The following SBF2 variants were observed in gnomAD, a reference collection of about 807,000 sequenced individuals.
The protein encoded by SBF2 is myotubularin-related protein 13.
Under a neutral mutation model 225.2 loss-of-function variants are expected in SBF2, and 112 were observed. That is an observed-to-expected ratio of 0.50 (90% CI 0.43 to 0.58). The LOEUF is 0.58. SBF2 is among the 20% of genes least tolerant of loss of function. The pLI, the probability that SBF2 is intolerant of heterozygous loss-of-function variation, is 0.00. For synonymous variants in SBF2, 763 were observed against 773.3 expected, an observed-to-expected ratio of 0.99 and a Z score of 0.22; for missense variants, 1,996 against 2,206.2, an observed-to-expected ratio of 0.90 and a Z score of 1.91.
intron 2 of SBF2, among the ~76,000 whole-genome samples, chr11:10,181,663 G>A (rs544224443): frequency 2.6e-5 from 4 of 151,936 alleles, no homozygotes; most frequent in Admixed American, 2.0e-4. Flanking sequence ...CTCCTTCCTG[G>A]ACACATCTCA....
At chr11:9,896,723 AG>A (rs1732497754) in intron 16 of SBF2, among the ~76,000 whole-genome samples, 1 of 144,100 alleles carries the variant, frequency 6.9e-6, no homozygotes, top group African/African-American at 2.6e-5. Context: ...CGGGAGGTGG[AG>A]GTTGCAGTGA....
chr11:9,807,738 T>G, intron 32 of SBF2: 1 of 516,862 alleles, frequency 1.9e-6, no homozygotes, highest in South Asian at 2.1e-5. Context: ...TTCTCTTCTT[T>G]GAAGATGGTC....
chr11:9,901,644 G>GT lies in SBF2; in HGVS notation c.1861-5634dup, dbSNP rs199735739. On this transcript the variant is annotated intron_variant, in intron 16 of 39. Transcript: ENST00000256190. ...TAAACCATAAAATCTCATTAAATGGGTTTTTTTTAAATTTTTATATTTTGA... is the reference window on the plus strand; with the variant it reads ...TAAACCATAAAATCTCATTAAATGGGTTTTTTTTTAAATTTTTATATTTTGA... 1.7e-3 allele frequency among the ~76,000 whole-genome samples: 252 copies of GT among 152,048 alleles called. No homozygotes were observed. The East Asian group carries it at 0.023, about 14-fold the overall frequency.
At chr11:9,903,493 C>G (rs1861889121) in intron 16 of SBF2, among the ~76,000 whole-genome samples, 1 of 152,112 alleles carries the variant, frequency 6.6e-6, no homozygotes, top group African/African-American at 2.4e-5. Context: ...GCAGCAAGCT[C>G]AATTCTTGCC....
chr11:10,110,177 A>G (rs1292625566), intron 2 of SBF2, among the ~76,000 whole-genome samples: 1 of 152,248 alleles, frequency 6.6e-6, no homozygotes, highest in East Asian at 1.9e-4. Context: ...AGATAAAAAT[A>G]GCAAAAAAGG....
chr11:9,790,016 G>A (rs1368173497), intron 34 of SBF2, among the ~76,000 whole-genome samples: 1 of 152,220 alleles, frequency 6.6e-6, no homozygotes, highest in Non-Finnish European at 1.5e-5. Context: ...CCCAGGGGAG[G>A]GGCCTCTCTT....
chr11:10,193,741 A>ATAT (rs1214101764), intron 2 of SBF2, among the ~76,000 whole-genome samples, 161 bp downstream of exon 2: 1 of 152,218 alleles, frequency 6.6e-6, no homozygotes, highest in Non-Finnish European at 1.5e-5. Context: ...AGATGACCGT[A>ATAT]CTTGAGGGAC....
chr11:9,803,031 A>C (rs1368981216), intron 32 of SBF2, among the ~76,000 whole-genome samples: 3 of 152,192 alleles, frequency 2.0e-5, no homozygotes, highest in African/African-American at 4.8e-5. Context: ...TAATTTAAAA[A>C]ATTTTAATTT....
intron 13 of SBF2, among the ~76,000 whole-genome samples, chr11:9,969,242 A>G (rs1412593720): frequency 6.6e-6 from 1 of 152,282 alleles, no homozygotes; most frequent in East Asian, 1.9e-4. Flanking sequence ...AATGTTTACA[A>G]CTTGGCCAGT....
chr11:9,943,978 A>C (rs1865427630), intron 16 of SBF2, among the ~76,000 whole-genome samples: 1 of 152,204 alleles, frequency 6.6e-6, no homozygotes, highest in Admixed American at 6.5e-5. Flanking sequence ...TTTCATTGCC[A>C]GGGCAATGAA....
At chr11:10,137,993 C>T (rs895315331) in intron 2 of SBF2, among the ~76,000 whole-genome samples, 7 of 145,904 alleles carry the variant, frequency 4.8e-5, no homozygotes, top group African/African-American at 1.8e-4. Context: ...GAGTAAGACT[C>T]CATCTCCAAA....
chr11:10,294,503 G>C (rs984611969), upstream of SBF2, among the ~76,000 whole-genome samples: 5 of 152,218 alleles, frequency 3.3e-5, no homozygotes, highest in African/African-American at 1.2e-4. Flanking sequence ...GTTTGGATTT[G>C]GAAGAAGGGA....
chr11:9,804,565 G>A lies in SBF2; in HGVS notation c.4443+3435C>T, dbSNP rs115837632. Among the ~76,000 whole-genome samples the A allele has an allele frequency of 1.7e-3, 265 of 152,242 alleles. 1 individual carries two copies. Among genetic ancestry groups the A allele is most frequent in the African/African-American group, 5.8e-3 (242 of 41,534 alleles). On this transcript the variant is annotated intron_variant, in intron 32 of 39. Coordinates refer to ENST00000256190, the MANE Select transcript of SBF2 (RefSeq NM_030962.4). ...TCATGATACAGAACAGTTTCCTGAC[G>A]CTGAAAAGTTTGCTTATGCCCTTTG...
intron 32 of SBF2, among the ~76,000 whole-genome samples, chr11:9,798,113 A>G (rs1008315850): frequency 1.3e-5 from 2 of 152,200 alleles, no homozygotes; most frequent in African/African-American, 4.8e-5. Context: ...TTAGCCCTCT[A>G]TGTGTGTCTC....
intron 1 of SBF2, among the ~76,000 whole-genome samples, chr11:10,278,165 A>T (rs545838739): frequency 3.4e-4 from 51 of 152,236 alleles, no homozygotes; most frequent in Non-Finnish European, 6.8e-4. Context: ...TTAAGCAGTT[A>T]TGTGAAATAT....
chr11:9,943,921 T>A (rs933410899), intron 16 of SBF2, among the ~76,000 whole-genome samples: 1 of 152,176 alleles, frequency 6.6e-6, no homozygotes, highest in Non-Finnish European at 1.5e-5. Context: ...TCAGGAGACA[T>A]CTATTAGGAA....
chr11:10,159,776 G>A (rs961920349), intron 2 of SBF2, among the ~76,000 whole-genome samples: 1 of 152,014 alleles, frequency 6.6e-6, no homozygotes, highest in Non-Finnish European at 1.5e-5. Context: ...TATAGTCCCA[G>A]CTACTCAGGG....
intron 16 of SBF2, chr11:9,959,750 C>T (rs4910085): frequency 0.56 from 373,651 of 662,626 alleles, 106,947 homozygotes; most frequent in Admixed American, 0.66. Flanking sequence ...ACCTGCTTGA[C>T]GCCTCTGTTT....
At position 9,967,957 on chromosome 11, in the gene SBF2, CTCTCTCTCTCTCTCTA is replaced by C. The variant is rs1565072906; in HGVS notation, c.1600+368_1600+383del. On this transcript the variant is annotated intron_variant, in intron 14 of 39. Transcript: ENST00000256190. ...TCTGTCTGTCTGTCTGTCTCTCTCT[CTCTCTCTCTCTCTCTA>C]TATATATATATATATATAAAATATA... Among the ~76,000 whole-genome samples the C allele has an allele frequency of 1.7e-4, 20 of 115,450 alleles. No homozygotes were observed. The South Asian group carries it at 2.4e-3, about 14-fold the overall frequency. The allele number at this position is 115,450 out of a possible 152,430, so 75.7% of individuals were successfully genotyped here. A position where few individuals can be genotyped will look rare whatever the true frequency, so the allele number is the denominator to read the frequency against.
Sources: gnomAD v4.1 joint callset for allele counts (sites outside exome capture counted in the v4.1 genomes callset) on GRCh38, gnomAD v4.1.1 for gene constraint, MANE v1.5 for transcripts, NCBI Gene and HGNC (gene_info 2026-07-23, HGNC 2026-07-21) for gene names.